Variants in SGCA observed in about 807,000 individuals in gnomAD.
SGCA encodes the protein sarcoglycan alpha, also known as alpha-sarcoglycan.
Under a neutral mutation model 38.1 loss-of-function variants are expected in SGCA, and 34 were observed. The observed-to-expected ratio is 0.89, with a 90% CI of 0.68 to 1.19. The LOEUF (loss-of-function observed/expected upper bound fraction) is 1.19. SGCA is among the 50% of genes most tolerant of loss of function. The pLI, the probability that SGCA is intolerant of heterozygous loss-of-function variation, is 0.00. For synonymous variants in SGCA, 209 were observed against 214.6 expected (o/e 0.97, Z 0.23); for missense variants, 476 against 524.9 (o/e 0.91, Z 0.91).
rs1905128841 is a variant in SGCA, at chr17:50,168,591, A to C, written c.584+19A>C. The stretch of plus-strand genomic sequence containing the variant: ...AAGAAGGGTAGGTGTGCAACCCTAG[A>C]GGACTTCCTGAAAGAGGAGGATGCA... On this transcript the variant is annotated intron_variant, in intron 5 of 9. Coordinates refer to ENST00000262018, the MANE Select transcript of SGCA (RefSeq NM_000023.4). 19 of 1,549,212 alleles carry C rather than the reference A, an allele frequency of 1.2e-5. No homozygotes were observed. In the East Asian group the frequency reaches 4.6e-4, roughly 38 times the overall value.
Position 50,170,360 on chromosome 17 carries a change from G to A in SGCA, c.956+9G>A, listed in dbSNP as rs767125816. On this transcript the variant is annotated intron_variant, in intron 7 of 9. Coordinates refer to ENST00000262018, the MANE Select transcript of SGCA (RefSeq NM_000023.4). ...TGCCGGCGGGAGGGAAGGTGAATGT[G>A]GGCATGAAGGGCGGGGGAGCACCTG... The A allele has an allele frequency of 1.2e-6, 2 of 1,611,794 alleles. No homozygotes were observed. The highest frequency in any genetic ancestry group is 1.7e-6 in the Non-Finnish European group (2 of 1,178,124).
intron 8 of SGCA, chr17:50,172,018 T>A (rs780910730): frequency 2.2e-6 from 1 of 456,330 alleles, no homozygotes; most frequent in South Asian, 1.5e-5. Context: ...CGAAGTGCCT[T>A]TCTGCTTCTC....
intron 6 of SGCA, 22 bp from the exon 7 acceptor site, chr17:50,170,121 C>G (rs759931078): frequency 6.2e-7 from 1 of 1,610,044 alleles, no homozygotes; most frequent in East Asian, 2.2e-5. Context: ...CTTCCTGCGT[C>G]AGCCCTGAGC....
At chr17:50,169,037 G>A in intron 5 of SGCA, 55 bp from the exon 6 acceptor site, 1 of 1,540,174 alleles carries the variant, frequency 6.5e-7, no homozygotes. Context: ...TGGCAGAGTG[G>A]TGCCTCGTGC....
rs1244289025 is a variant in SGCA at position 50,175,375 on chromosome 17, G to A, written c.1102G>A (p.Gly368Ser). The A allele has an allele frequency of 6.2e-7, 1 of 1,613,040 alleles. No homozygotes were observed. Among genetic ancestry groups the A allele is most frequent in the East Asian group, 2.2e-5 (1 of 44,890 alleles). ...CCTGCCCATGTTCAATGTGCACACA[G>A]GTGAGCGGCTGCCTCCCCGCGTGGA... ...STLPMFNVHT[G>S]ERLPPRVDSA... Residue 368 changes from glycine (G) to serine (S), a missense_variant, in exon 9 of 10, where the codon GGT becomes AGT. By Grantham distance (56) the Gly-to-Ser change is moderately conservative (BLOSUM62 0). Transcript: ENST00000262018.
rs1406756230 is a variant in SGCA, at chr17:50,172,449, A to C, written c.983+1783A>C. On this transcript the variant is annotated intron_variant, in intron 8 of 9. Coordinates refer to ENST00000262018, the MANE Select transcript of SGCA (RefSeq NM_000023.4). ...GCCTGCACGGTGCGTGCACATATGC[A>C]TGTGTGTGTGCACATGCCTGGGCGG... 5 of 362,340 alleles carry C rather than the reference A, an allele frequency of 1.4e-5. No homozygotes were observed. In the Admixed American group the frequency reaches 1.7e-4, roughly 13 times the overall value. The allele number at this position is 362,340 out of a possible 1,614,324, so 22.4% of individuals were successfully genotyped here. A position where few individuals can be genotyped will look rare whatever the true frequency, so the allele number is the denominator to read the frequency against.
chr17:50,174,156 C>CA (rs1393705839), intron 8 of SGCA, among the ~76,000 whole-genome samples: 3 of 151,650 alleles, frequency 2.0e-5, no homozygotes, highest in Non-Finnish European at 2.9e-5. Context: ...CCTGTCTCTA[C>CA]AAAAAAAATT....
At position 50,167,874 on chromosome 17, in the gene SGCA, C is replaced by A; in HGVS notation, c.313-73C>A. 2 of 1,543,944 alleles carry A rather than the reference C, an allele frequency of 1.3e-6. No homozygotes were observed. Among genetic ancestry groups the A allele is most frequent in the Non-Finnish European group, 1.8e-6 (2 of 1,116,164 alleles). On this transcript the variant is annotated intron_variant, in intron 3 of 9. Transcript: ENST00000262018. The surrounding 1 kb of genome is among the most constrained non-coding windows in gnomAD (Gnocchi z 4.5). The stretch of plus-strand genomic sequence containing the variant: ...ATACCTCTAATTTGGTATCTGAGTC[C>A]TCTCCTGCCAGGCCCCCGCTGTGCC...
At chr17:50,166,715 ACACACACACCCT>A (rs1260665278) in intron 1 of SGCA, among the ~76,000 whole-genome samples, 46 of 97,946 alleles carry the variant, frequency 4.7e-4, no homozygotes, top group African/African-American at 1.8e-3. Flanking sequence ...CGGCACCCTC[ACACACACACCCT>A]CACACACACC....
chr17:50,168,334 G>A (rs778794746), intron 4 of SGCA, 40 bp from the exon 5 acceptor site: 4 of 1,529,200 alleles, frequency 2.6e-6, no homozygotes, highest in Admixed American at 2.0e-5. Flanking sequence ...GGCAGAGCTG[G>A]GGCTGGGTGC....
At chr17:50,169,837 T>C in intron 6 of SGCA, 1 of 498,210 alleles carries the variant, frequency 2.0e-6, no homozygotes, top group South Asian at 2.1e-5. Flanking sequence ...GCACTTGCTA[T>C]GTGCTTGGCA....
rs1356214702 is a variant in SGCA at position 50,166,223 on chromosome 17, T to C, written c.37+146T>C. Reference sequence around the variant, plus strand: ...GAAGGGCTTTGGGGTGTTAATGCCATGGCCAGCTGGGGATCCAGGGAATGG... The same window carrying C: ...GAAGGGCTTTGGGGTGTTAATGCCACGGCCAGCTGGGGATCCAGGGAATGG... On this transcript the variant is annotated intron_variant, in intron 1 of 9. Coordinates refer to ENST00000262018, the MANE Select transcript of SGCA (RefSeq NM_000023.4). 1.3e-5 allele frequency: 9 copies of C among 710,110 alleles called. No homozygotes were observed. The East Asian group carries it at 2.0e-4, about 16-fold the overall frequency. The allele number at this position is 710,110 out of a possible 1,614,324, so 44.0% of individuals were successfully genotyped here.
chr17:50,169,552 C>T, intron 6 of SGCA: 2 of 470,684 alleles, frequency 4.2e-6, no homozygotes, highest in Non-Finnish European at 7.7e-6. Flanking sequence ...ACAGCTATAT[C>T]ACAGTCCAGT....
Position 50,168,356 on chromosome 17 carries a change from TC to T in SGCA, c.386-16del, listed in dbSNP as rs556088617. 1.5e-4 allele frequency: 235 copies of T among 1,556,036 alleles called. No individual in the cohort carries two copies. In the African/African-American group the frequency reaches 2.9e-3, roughly 19 times the overall value. The stretch of plus-strand genomic sequence containing the variant: ...CTGGGGCTGGGTGCAGCCTGAGGTG[TC>T]CACCTGGCCTTCCCAGGCCCCCTGC... On this transcript the variant is annotated splice_polypyrimidine_tract_variant and intron_variant, in intron 4 of 9. Transcript: ENST00000262018.
At position 50,168,035 on chromosome 17, in the gene SGCA, C is replaced by T; in HGVS notation, c.385+16C>T. 1.9e-6 allele frequency: 3 copies of T among 1,606,084 alleles called. No homozygotes were observed. The highest frequency in any genetic ancestry group is 1.7e-6 in the Non-Finnish European group (2 of 1,172,700). ...GACCCAGAAGGTACCTCTAGCTGTG[C>T]CCCATCCCTTCCCCACCAATGCCAG... On this transcript the variant is annotated intron_variant, in intron 4 of 9. Transcript: ENST00000262018.
chr17:50,169,931 A>G, intron 6 of SGCA: 2 of 626,630 alleles, frequency 3.2e-6, no homozygotes, highest in Non-Finnish European at 5.8e-6. Flanking sequence ...AGGTGATGAA[A>G]CAGAGGCACA....
intron 6 of SGCA, 110 bp downstream of exon 6, chr17:50,169,364 C>A: frequency 1.5e-5 from 13 of 875,432 alleles, no homozygotes; most frequent in East Asian, 5.9e-5. Flanking sequence ...CTCCAGTCAC[C>A]ATTTCTTTCC....
Position 50,168,424 on chromosome 17 carries a change from G to A in SGCA, c.436G>A (p.Glu146Lys). The A allele has an allele frequency of 1.3e-6, 2 of 1,591,782 alleles. No individual in the cohort carries two copies. Among genetic ancestry groups the A allele is most frequent in the Non-Finnish European group, 1.7e-6 (2 of 1,169,192 alleles). Residue 146 changes from glutamate to lysine, a missense_variant, in exon 5 of 10, where the codon GAG (glutamate) becomes AAG (lysine). Glu to Lys is a moderately conservative substitution (Grantham distance 56, BLOSUM62 1). Transcript: ENST00000262018. ...GTTCCTGGTGCGCAGCCACGATGCG[G>A]AGGAGGTGCTGCCCTCAACACCTGC... ...AEFLVRSHDA[E>K]EVLPSTPASR...
rs1224602551 is a variant in SGCA at position 50,167,978 on chromosome 17, C to A, written c.344C>A (p.Thr115Asn). 2 of 1,614,064 alleles carry A rather than the reference C, an allele frequency of 1.2e-6. No homozygotes were observed. Among genetic ancestry groups the A allele is most frequent in the Non-Finnish European group, 1.7e-6 (2 of 1,180,030 alleles). Residue 115 changes from threonine (T) to asparagine (N), a missense_variant, in exon 4 of 10, where the codon ACC (threonine) becomes AAC (asparagine). Transcript: ENST00000262018. The surrounding 1 kb of genome is among the most constrained non-coding windows in gnomAD (Gnocchi z 4.5). ...VTAYNRDSFD[T>N]TRQRLVLEIG... Reference sequence around the variant, plus strand: ...GCCTACAATCGGGACAGCTTTGATACCACTCGGCAGAGGCTGGTGCTGGAG... The same window carrying A: ...GCCTACAATCGGGACAGCTTTGATAACACTCGGCAGAGGCTGGTGCTGGAG...
Sources: allele counts gnomAD v4.1 joint callset (sites outside exome capture counted in the v4.1 genomes callset), GRCh38; gene constraint gnomAD v4.1.1; non-coding constraint Gnocchi (gnomAD v3.1); transcripts MANE v1.5; gene names NCBI Gene and HGNC (gene_info 2026-07-23, HGNC 2026-07-21).